The following CPT2 variants were observed in gnomAD, a reference collection of about 807,000 sequenced individuals.
The protein encoded by CPT2 is carnitine palmitoyltransferase 2.
Under a neutral mutation model 48.6 loss-of-function variants are expected in CPT2, and 37 were observed. That is an observed-to-expected ratio of 0.76 (90% CI 0.59 to 1.00). The LOEUF is 1.00. CPT2 is among the 50% of genes least tolerant of loss of function. CPT2 has a pLI of 0.00. For synonymous variants in CPT2, 319 were observed against 326.9 expected (o/e 0.98, Z 0.26); for missense variants, 772 against 825.6 (o/e 0.94, Z 0.80).
chr1:53,213,279 G>A lies in CPT2; in HGVS notation c.1661G>A (p.Arg554Gln), dbSNP rs367796030. The change falls in exon 5 of 5, where the codon CGA becomes CAA. Residue 554 changes from arginine (R) to glutamine (Q), a missense_variant. Physicochemically the swap from Arg to Gln is conservative, Grantham distance 43. Coordinates refer to ENST00000371486, the MANE Select transcript of CPT2 (RefSeq NM_000098.3). ...KEAAMGQGFDRHLFALRHLAA... is the reference protein window; with the variant it reads ...KEAAMGQGFDQHLFALRHLAA... ...TTTCTCACAGGCCAGGGCTTTGACCGACACTTGTTTGCTCTGCGGCATCTG... is the reference window on the plus strand; with the variant it reads ...TTTCTCACAGGCCAGGGCTTTGACCAACACTTGTTTGCTCTGCGGCATCTG... The A allele has an allele frequency of 1.1e-5, 18 of 1,613,986 alleles. No individual in the cohort carries two copies. Among genetic ancestry groups the A allele is most frequent in the Admixed American group, 3.3e-5 (2 of 60,006 alleles).
chr1:53,201,459 T>C lies in CPT2; in HGVS notation c.233+660T>C, dbSNP rs553954614. 2.5e-4 allele frequency: 38 copies of C among 155,012 alleles called. No individual in the cohort carries two copies. The South Asian group carries it at 7.3e-3, about 30-fold the overall frequency. 9.6% of individuals were successfully genotyped at this position (155,012 alleles called of 1,614,324 possible). A position where few individuals can be genotyped will look rare whatever the true frequency, so the allele number is the denominator to read the frequency against. Reference sequence around the variant, plus strand: ...TAAGAGAAAGCCATGCAACAGATTCTTCCCCAGTCTTCAGAGAAGATATAG... The same window carrying C: ...TAAGAGAAAGCCATGCAACAGATTCCTCCCCAGTCTTCAGAGAAGATATAG... On this transcript the variant is annotated intron_variant, in intron 2 of 4. Transcript: ENST00000371486.
rs918039777 is a variant in CPT2 at position 53,199,168 on chromosome 1, C to T, written c.153-1551C>T. Among the ~76,000 whole-genome samples, 19 of 152,202 alleles carry T rather than the reference C, an allele frequency of 1.2e-4. No individual in the cohort carries two copies. In the Middle Eastern group the frequency reaches 0.01, roughly 82 times the overall value. ...TTCTGCCTCCCGGGTTCAAAGGATCCTCCCGCCTCAGCCTCCCAAGTAGCT... is the reference window on the plus strand; with the variant it reads ...TTCTGCCTCCCGGGTTCAAAGGATCTTCCCGCCTCAGCCTCCCAAGTAGCT... On this transcript the variant is annotated intron_variant, in intron 1 of 4. Coordinates refer to ENST00000371486, the MANE Select transcript of CPT2 (RefSeq NM_000098.3).
In CPT2 at chr1:53,196,892, A is replaced by G; in HGVS notation, c.-52A>G. On this transcript the variant is annotated 5_prime_UTR_variant, in exon 1 of 5. Coordinates refer to ENST00000371486, the MANE Select transcript of CPT2 (RefSeq NM_000098.3). ...ACGGCGGCGGCGGCCTTGTGTTTAG[A>G]CTCCAGAACTCCCCACTTGCCGCGT... is the stretch of plus-strand genomic sequence containing the variant. 6.5e-7 allele frequency: 1 copy of G among 1,527,058 alleles called. No homozygotes were observed. The highest frequency in any genetic ancestry group is 1.4e-5 in the African/African-American group (1 of 70,948). 94.6% of individuals were successfully genotyped at this position (1,527,058 alleles called of 1,614,324 possible). A position where few individuals can be genotyped will look rare whatever the true frequency, so the allele number is the denominator to read the frequency against.
At chr1:53,200,351 C>A in intron 1 of CPT2, 1 of 188,238 alleles carries the variant, frequency 5.3e-6, no homozygotes, top group Non-Finnish European at 1.1e-5. Context: ...GAGAAAAATG[C>A]AGTTGTTCAA....
intron 4 of CPT2, chr1:53,211,609 T>C (rs1397448101): frequency 2.4e-5 from 9 of 369,668 alleles, no homozygotes; most frequent in South Asian, 4.3e-5. Flanking sequence ...TCTTTTTTTT[T>C]TTTTTTTTTG....
At chr1:53,200,006 G>A (rs1411910479) in intron 1 of CPT2, 1 of 152,186 alleles carries the variant, frequency 6.6e-6, no homozygotes, top group Non-Finnish European at 1.5e-5. Flanking sequence ...TGAATTGAAA[G>A]AGAAAATACA....
In CPT2 at chr1:53,209,574, G is replaced by A. The variant is rs147214576; in HGVS notation, c.341-441G>A. 1,907 of 213,920 alleles carry A rather than the reference G, an allele frequency of 8.9e-3. 18 individuals are homozygous for A. Among genetic ancestry groups the A allele is most frequent in the South Asian group, 0.013 (185 of 14,418 alleles). 13.3% of individuals were successfully genotyped at this position (213,920 alleles called of 1,614,324 possible). ...GTGGATCACCTGAGGTCAGGAGTTT[G>A]AGACCAGCCTGCCCAACATGGTGAA... On this transcript the variant is annotated intron_variant, in intron 3 of 4. Coordinates refer to ENST00000371486, the MANE Select transcript of CPT2 (RefSeq NM_000098.3).
chr1:53,211,043 A>T lies in CPT2; in HGVS notation c.1369A>T (p.Lys457Ter), dbSNP rs756931329. 4.7e-5 allele frequency: 76 copies of T among 1,614,080 alleles called. No individual in the cohort carries two copies. The highest frequency in any genetic ancestry group is 6.4e-5 in the Non-Finnish European group (75 of 1,180,034). Residue 457 changes from lysine (K) to a stop codon, truncating the protein, a stop_gained, in exon 4 of 5, where the codon AAG (lysine) becomes TAG (stop). Coordinates refer to ENST00000371486, the MANE Select transcript of CPT2 (RefSeq NM_000098.3). LOFTEE classifies it high-confidence loss of function. The part of the protein sequence containing the change: ...QFQRGGKEFL[K>*]KQKLSPDAVA... ...TCAGAGAGGAGGCAAAGAATTCCTG[A>T]AGAAGCAAAAGCTGAGCCCTGACGC...
Position 53,210,648 on chromosome 1 carries a change from T to A in CPT2, c.974T>A (p.Leu325His). The change falls in exon 4 of 5, where the codon CTC (leucine) becomes CAC (histidine). Residue 325 changes from leucine to histidine, a missense_variant. Coordinates refer to ENST00000371486, the MANE Select transcript of CPT2 (RefSeq NM_000098.3). ...LRKVDSAVFCLCLDDFPIKDL... is the reference protein window; with the variant it reads ...LRKVDSAVFCHCLDDFPIKDL... ...AAAGTGGACTCGGCAGTGTTCTGTCTCTGCCTAGATGACTTCCCCATTAAG... is the reference window on the plus strand; with the variant it reads ...AAAGTGGACTCGGCAGTGTTCTGTCACTGCCTAGATGACTTCCCCATTAAG... 6.2e-7 allele frequency: 1 copy of A among 1,614,162 alleles called. No individual in the cohort carries two copies. Among genetic ancestry groups the A allele is most frequent in the Non-Finnish European group, 8.5e-7 (1 of 1,180,036 alleles).
rs1418719876 is a variant in CPT2, at chr1:53,196,851, A to G, written c.-93A>G. ...AGAAGTGCCTCAGGAGTCCTGACGC[A>G]GTGTCTTGGGCGCTAACGGCGGCGG... On this transcript the variant is annotated 5_prime_UTR_variant, in exon 1 of 5. Transcript: ENST00000371486. 4.1e-6 allele frequency: 6 copies of G among 1,466,868 alleles called. No homozygotes were observed. The highest frequency in any genetic ancestry group is 2.0e-5 in the Admixed American group (1 of 49,892). 90.9% of individuals were successfully genotyped at this position (1,466,868 alleles called of 1,614,324 possible).
chr1:53,210,446 G>A lies in CPT2; in HGVS notation c.772G>A (p.Asp258Asn), dbSNP rs769931396. ...KGNFYIFDVLDQDGNIVSPSE... is the reference protein window; with the variant it reads ...KGNFYIFDVLNQDGNIVSPSE... ...AAATTTTTATATCTTTGATGTCCTG[G>A]ATCAAGATGGGAACATTGTGAGCCC... is the stretch of plus-strand genomic sequence containing the variant. The change falls in exon 4 of 5, where the codon GAT becomes AAT. Residue 258 changes from aspartate to asparagine, a missense_variant. Physicochemically the swap from Asp to Asn is conservative, Grantham distance 23. Transcript: ENST00000371486. 1.2e-6 allele frequency: 2 copies of A among 1,614,104 alleles called. No homozygotes were observed. The highest frequency in any genetic ancestry group is 3.3e-5 in the Admixed American group (2 of 60,018).
chr1:53,213,896 G>A lies in CPT2; in HGVS notation c.*301G>A, dbSNP rs191416983. ...AGCTGAGATCACACCACTGCACTCC[G>A]GCCTGGGCGACAGAGCGAGACTGTC... On this transcript the variant is annotated 3_prime_UTR_variant, in exon 5 of 5. Coordinates refer to ENST00000371486, the MANE Select transcript of CPT2 (RefSeq NM_000098.3). 6.0e-4 allele frequency: 233 copies of A among 385,384 alleles called. No individual in the cohort carries two copies. Among genetic ancestry groups the A allele is most frequent in the African/African-American group, 4.4e-3 (214 of 48,396 alleles). 23.9% of individuals were successfully genotyped at this position (385,384 alleles called of 1,614,324 possible).
In CPT2 at chr1:53,211,122, T is replaced by C. The variant is rs1324631593; in HGVS notation, c.1448T>C (p.Val483Ala). 41 of 1,614,038 alleles carry C rather than the reference T, an allele frequency of 2.5e-5. No homozygotes were observed. Among genetic ancestry groups the C allele is most frequent in the Non-Finnish European group, 3.3e-5 (39 of 1,179,956 alleles). Residue 483 changes from valine (V) to alanine (A), a missense_variant, in exon 4 of 5, where the codon GTG (valine) becomes GCG (alanine). Transcript: ENST00000371486. ...TTCCTGCGGCAGTACGGGCAGACAG[T>C]GGCCACCTACGAGTCCTGTAGCACT... is the stretch of plus-strand genomic sequence containing the variant. ...MAFLRQYGQT[V>A]ATYESCSTAA...
intron 1 of CPT2, chr1:53,200,381 C>A: frequency 9.7e-6 from 2 of 205,244 alleles, no homozygotes; most frequent in Non-Finnish European, 2.0e-5. Context: ...AGAATTAAAT[C>A]AGGGCCAATA....
intron 4 of CPT2, 116 bp from the exon 5 acceptor site, chr1:53,213,148 C>T (rs1645440346): frequency 6.3e-6 from 6 of 958,586 alleles, no homozygotes; most frequent in Admixed American, 1.9e-5. Context: ...GAGGTAGAGC[C>T]TTCCCCCACT....
intron 3 of CPT2, chr1:53,209,668 C>T (rs1645408676): frequency 6.2e-6 from 2 of 320,910 alleles, no homozygotes; most frequent in South Asian, 5.5e-5. Flanking sequence ...CCCAGCTACT[C>T]AGGAGGCTGA....
intron 3 of CPT2, among the ~76,000 whole-genome samples, chr1:53,206,237 T>C (rs2100266891): frequency 6.7e-6 from 1 of 149,262 alleles, no homozygotes; most frequent in East Asian, 2.0e-4. Flanking sequence ...AGAGGCTATA[T>C]GGAAACACCT....
At chr1:53,208,898 A>G (rs1645403518) in intron 3 of CPT2, 1 of 152,242 alleles carries the variant, frequency 6.6e-6, no homozygotes, top group South Asian at 2.1e-4. Context: ...AGTGCTGCTG[A>G]GGATGTGGAA....
intron 3 of CPT2, among the ~76,000 whole-genome samples, chr1:53,204,708 T>C (rs954890604): frequency 6.6e-6 from 1 of 152,144 alleles, no homozygotes; most frequent in African/African-American, 2.4e-5. Context: ...AGGAGGGACC[T>C]GGAGGGAGGT....
Sources: allele counts gnomAD v4.1 joint callset (sites outside exome capture counted in the v4.1 genomes callset), GRCh38; gene constraint gnomAD v4.1.1; transcripts MANE v1.5; gene names NCBI Gene and HGNC (gene_info 2026-07-23, HGNC 2026-07-21).